Variants in DOCK5 observed in about 807,000 individuals in gnomAD.
DOCK5 encodes the protein dedicator of cytokinesis 5.
A neutral mutation model predicts 251.8 loss-of-function variants in DOCK5; 142 were observed. The ratio of observed to expected loss-of-function variants is 0.56; its 90% CI spans 0.49 to 0.65. The LOEUF is 0.65. DOCK5 is among the 30% of genes least tolerant of loss of function. The probability of loss-of-function intolerance (pLI) is 0.00; values close to 1 mark genes in which losing one functional copy is unlikely to be tolerated. For missense variants in DOCK5, 2,111 were observed against 2,312.3 expected (o/e 0.91, Z 1.79); for synonymous variants, 842 against 835.5 (o/e 1.01, Z -0.13).
chr8:25,411,894 A>C lies in DOCK5; in HGVS notation c.*596A>C, dbSNP rs1467229934. On this transcript the variant is annotated 3_prime_UTR_variant, in exon 52 of 52. Coordinates refer to ENST00000276440, the MANE Select transcript of DOCK5 (RefSeq NM_024940.8). Reference sequence around the variant, plus strand: ...CTGCTTTCAGGTATGTGTGTCTATCATTGAAAGAGCATGGACTCAAACATC... The same window carrying C: ...CTGCTTTCAGGTATGTGTGTCTATCCTTGAAAGAGCATGGACTCAAACATC... 1 of 152,154 alleles carries C rather than the reference A, an allele frequency of 6.6e-6. No homozygotes were observed. Among genetic ancestry groups the C allele is most frequent in the African/African-American group, 2.4e-5 (1 of 41,418 alleles). The allele number at this position is 152,154 out of a possible 1,614,324, so 9.4% of individuals were successfully genotyped here.
chr8:25,336,378 T>C lies in DOCK5; in HGVS notation c.2327+5T>C, dbSNP rs1333571298. 3.1e-6 allele frequency: 5 copies of C among 1,612,944 alleles called. No individual in the cohort carries two copies. The Admixed American group carries it at 6.7e-5, about 22-fold the overall frequency. On this transcript the variant is annotated splice_donor_5th_base_variant and intron_variant, in intron 22 of 51. Coordinates refer to ENST00000276440, the MANE Select transcript of DOCK5 (RefSeq NM_024940.8). ...ATCCCGAGTGCTCTACTTGAGGTAA[T>C]GTTAACTGCAGTGAAGATGTTTAGA...
At chr8:25,220,938 G>C (rs1181855603) in intron 1 of DOCK5, among the ~76,000 whole-genome samples, 1 of 152,030 alleles carries the variant, frequency 6.6e-6, no homozygotes. Context: ...GAACTTTCCT[G>C]TCTCCCGTGG....
At chr8:25,310,374 A>G in intron 12 of DOCK5, 33 bp from the exon 13 acceptor site, 2 of 1,582,788 alleles carry the variant, frequency 1.3e-6, no homozygotes, top group Admixed American at 1.9e-5. Flanking sequence ...CATCATACAA[A>G]GAACTAAACG....
At chr8:25,348,329 A>G (rs1255760597) in intron 26 of DOCK5, among the ~76,000 whole-genome samples, 1 of 152,168 alleles carries the variant, frequency 6.6e-6, no homozygotes, top group Non-Finnish European at 1.5e-5. Flanking sequence ...TGGTCCTGCC[A>G]AATTCTACTC....
chr8:25,351,375 A>C, intron 26 of DOCK5: 1 of 222,386 alleles, frequency 4.5e-6, no homozygotes, highest in African/African-American at 2.3e-5. Flanking sequence ...AGCGATTCTA[A>C]TCTGCTCAAC....
intron 1 of DOCK5, among the ~76,000 whole-genome samples, chr8:25,229,219 C>T (rs565336995): frequency 7.9e-5 from 12 of 152,236 alleles, no homozygotes; most frequent in South Asian, 2.1e-4. Context: ...CAGTGGCTCA[C>T]GTCTGTAATC....
chr8:25,345,950 C>A (rs28527173), intron 26 of DOCK5, among the ~76,000 whole-genome samples: 108,325 of 151,874 alleles, frequency 0.71, 40,557 homozygotes, highest in Middle Eastern at 0.84. Flanking sequence ...CCCGGGTTCA[C>A]GCCATTCTCC....
chr8:25,299,236 T>C (rs571377460), intron 8 of DOCK5, 135 bp downstream of exon 8: 5 of 1,043,958 alleles, frequency 4.8e-6, no homozygotes, highest in Non-Finnish European at 5.4e-6. Context: ...AGCAGTAGAA[T>C]GTAAAATCAT....
chr8:25,200,461 G>A (rs918246858), intron 1 of DOCK5, among the ~76,000 whole-genome samples: 1 of 152,218 alleles, frequency 6.6e-6, no homozygotes, highest in Non-Finnish European at 1.5e-5. Context: ...GATAGATAAA[G>A]TGTTGACAAA....
intron 9 of DOCK5, among the ~76,000 whole-genome samples, chr8:25,301,679 T>G (rs1378912210): frequency 7.0e-6 from 1 of 143,600 alleles, no homozygotes; most frequent in African/African-American, 2.6e-5. Context: ...AAGGCCAGCC[T>G]GGATAACATA....
intron 1 of DOCK5, among the ~76,000 whole-genome samples, chr8:25,195,172 T>G (rs1307350430): frequency 6.6e-6 from 1 of 151,878 alleles, no homozygotes; most frequent in South Asian, 2.1e-4. Context: ...CCACCCGCCT[T>G]GGCCTCCCAA....
At chr8:25,405,247 T>A (rs1264673409) in intron 48 of DOCK5, among the ~76,000 whole-genome samples, 1 of 151,990 alleles carries the variant, frequency 6.6e-6, no homozygotes. Context: ...CCTTTCCCAC[T>A]CTAAGATAAC....
At chr8:25,361,437 C>G (rs1800677394) in intron 28 of DOCK5, among the ~76,000 whole-genome samples, 1 of 151,960 alleles carries the variant, frequency 6.6e-6, no homozygotes, top group Non-Finnish European at 1.5e-5. Context: ...TGATGAAACC[C>G]CATCTCTACT....
chr8:25,297,219 C>T (rs893185427), intron 7 of DOCK5, among the ~76,000 whole-genome samples: 3 of 151,816 alleles, frequency 2.0e-5, no homozygotes, highest in East Asian at 3.9e-4. Flanking sequence ...CTCAGCCTCC[C>T]GAGTAGCTGG....
At chr8:25,330,383 G>A (rs1286671251) in intron 18 of DOCK5, among the ~76,000 whole-genome samples, 1 of 152,126 alleles carries the variant, frequency 6.6e-6, no homozygotes, top group Admixed American at 6.5e-5. Flanking sequence ...CCTTCAAATG[G>A]CTGAGAACTA....
chr8:25,224,060 CT>C (rs549831700), intron 1 of DOCK5, among the ~76,000 whole-genome samples: 10 of 152,204 alleles, frequency 6.6e-5, no homozygotes, highest in Admixed American at 4.6e-4. Flanking sequence ...TAACTTTATC[CT>C]TTTTTCATGC....
At chr8:25,350,568 C>T (rs979336084) in intron 26 of DOCK5, among the ~76,000 whole-genome samples, 1 of 152,202 alleles carries the variant, frequency 6.6e-6, no homozygotes, top group Non-Finnish European at 1.5e-5. Context: ...TTAGTCTGCT[C>T]AGTCAGTCTT....
At chr8:25,233,416 AT>A (rs1326079032) in intron 1 of DOCK5, among the ~76,000 whole-genome samples, 1 of 152,206 alleles carries the variant, frequency 6.6e-6, no homozygotes, top group African/African-American at 2.4e-5. Flanking sequence ...TCAAACTGAT[AT>A]TTCCAACCCA....
intron 24 of DOCK5, 50 bp from the exon 25 acceptor site, chr8:25,342,351 T>A: frequency 6.9e-7 from 1 of 1,450,112 alleles, no homozygotes; most frequent in Non-Finnish European, 9.4e-7. Context: ...TAATGATGCC[T>A]TCAATTTGGC....
Sources: allele counts gnomAD v4.1 joint callset (sites outside exome capture counted in the v4.1 genomes callset), GRCh38; gene constraint gnomAD v4.1.1; transcripts MANE v1.5; gene names NCBI Gene and HGNC (gene_info 2026-07-23, HGNC 2026-07-21).